Variants in WDR41 observed in about 807,000 individuals in gnomAD.
WDR41 encodes the protein WD repeat-containing protein 41.
WDR41 carries 63 observed loss-of-function variants against 69.3 expected under a neutral mutation model. That is an observed-to-expected ratio of 0.91 (90% CI 0.74 to 1.12). The LOEUF (loss-of-function observed/expected upper bound fraction) is 1.12. Ranked by LOEUF, WDR41 falls within the 50% of genes most tolerant of loss-of-function variation. The pLI, the probability that WDR41 is intolerant of heterozygous loss-of-function variation, is 0.00. For missense variants in WDR41, 543 were observed against 534.5 expected (o/e 1.02, Z -0.16); for synonymous variants, 185 against 192.1 (o/e 0.96, Z 0.31).
intron 1 of WDR41, chr5:77,540,619 T>C (rs563005514): frequency 1.3e-5 from 2 of 151,402 alleles, no homozygotes; most frequent in Admixed American, 6.6e-5. Flanking sequence ...GGTGGGAGGA[T>C]CACCTGAGCC....
intron 1 of WDR41, among the ~76,000 whole-genome samples, chr5:77,510,766 A>ATTTTTTTTTTTTTTTTTTTTTTT (rs58752727): frequency 1.0e-5 from 1 of 99,588 alleles, no homozygotes; most frequent in Non-Finnish European, 1.9e-5. Flanking sequence ...TCCAAATTCA[A>ATTTTTTTTTTTTTTTTTTTTTTT]TTTTTTTTTT....
At chr5:77,556,261 C>G (rs904535097) in intron 1 of WDR41, among the ~76,000 whole-genome samples, 3 of 151,980 alleles carry the variant, frequency 2.0e-5, no homozygotes, top group African/African-American at 7.2e-5. Flanking sequence ...CATGCCACCA[C>G]GCCCAGCTAA....
At chr5:77,477,051 C>G (rs1367220260) in intron 2 of WDR41, among the ~76,000 whole-genome samples, 2 of 148,408 alleles carry the variant, frequency 1.3e-5, no homozygotes, top group East Asian at 2.0e-4. Flanking sequence ...AGACTTTAAA[C>G]CAACAAAGAT....
chr5:77,475,418 C>A (rs1356960446), intron 2 of WDR41, among the ~76,000 whole-genome samples: 1 of 152,174 alleles, frequency 6.6e-6, no homozygotes, highest in Non-Finnish European at 1.5e-5. Flanking sequence ...CTTAAATGTC[C>A]CTGTCTGATA....
In WDR41 at chr5:77,432,989, G is replaced by C. The variant is rs1162828743; in HGVS notation, c.*146C>G. Reference sequence around the variant, plus strand: ...AGAAGCAACATGTTCCTGGTTGGTAGGTCCACAAAAAATTTAAACATGTAG... The same window carrying C: ...AGAAGCAACATGTTCCTGGTTGGTACGTCCACAAAAAATTTAAACATGTAG... On this transcript the variant is annotated 3_prime_UTR_variant, in exon 13 of 13. Transcript: ENST00000296679. 14 of 809,518 alleles carry C rather than the reference G, an allele frequency of 1.7e-5. No homozygotes were observed. The highest frequency in any genetic ancestry group is 9.4e-5 in the Admixed American group (3 of 31,872). 50.1% of individuals were successfully genotyped at this position (809,518 alleles called of 1,614,324 possible). A position where few individuals can be genotyped will look rare whatever the true frequency, so the allele number is the denominator to read the frequency against.
chr5:77,537,655 A>C (rs1023140911), intron 1 of WDR41, among the ~76,000 whole-genome samples: 1 of 152,138 alleles, frequency 6.6e-6, no homozygotes, highest in South Asian at 2.1e-4. Context: ...GTTGGTTTGT[A>C]TGTTAAAGAT....
At chr5:77,604,733 G>T (rs909698749) in intron 1 of WDR41, among the ~76,000 whole-genome samples, 2 of 152,018 alleles carry the variant, frequency 1.3e-5, no homozygotes, top group South Asian at 2.1e-4. Context: ...GACCAAAACC[G>T]ACCTAAATGA....
At chr5:77,503,982 C>A (rs978325784) in intron 1 of WDR41, among the ~76,000 whole-genome samples, 5 of 151,990 alleles carry the variant, frequency 3.3e-5, no homozygotes, top group Non-Finnish European at 5.9e-5. Flanking sequence ...GAAGCAAGAA[C>A]AAACACATTC....
chr5:77,468,984 T>G (rs1800430713), intron 2 of WDR41, among the ~76,000 whole-genome samples: 1 of 152,130 alleles, frequency 6.6e-6, no homozygotes, highest in South Asian at 2.1e-4. Flanking sequence ...GTTGTCTCTC[T>G]TCAACCCAAA....
rs150624821 is a variant in WDR41, at chr5:77,436,394, C to A, written c.1094G>T (p.Gly365Val). 466 of 1,613,468 alleles carry A rather than the reference C, an allele frequency of 2.9e-4. No homozygotes were observed. The African/African-American group carries it at 5.3e-3, about 18-fold the overall frequency. Residue 365 changes from glycine (G) to valine (V), a missense_variant and splice_region_variant, in exon 12 of 13, where the codon GGT becomes GTT. Coordinates refer to ENST00000296679, the MANE Select transcript of WDR41 (RefSeq NM_018268.4). The part of the protein sequence containing the change: ...QQLAAEPVPT[G>V]FFNMWGFGRV... ...TCCAAATCCCCACATGTTAAAAAAACCTAGAAAAAGAATCATTTCCAAAAT... is the reference window on the plus strand; with the variant it reads ...TCCAAATCCCCACATGTTAAAAAAAACTAGAAAAAGAATCATTTCCAAAAT...
In WDR41 at chr5:77,431,679, CAGTT is replaced by C. The variant is rs1477647337; in HGVS notation, c.*1452_*1455del. On this transcript the variant is annotated 3_prime_UTR_variant, in exon 13 of 13. Transcript: ENST00000296679. The stretch of plus-strand genomic sequence containing the variant: ...GCCTAGAACAGGCTAGGAAGTAAAA[CAGTT>C]AAGTCTATGGCTCCCTTGTGTCATA... 6.6e-6 allele frequency: 1 copy of C among 152,138 alleles called. No individual in the cohort carries two copies. The highest frequency in any genetic ancestry group is 1.5e-5 in the Non-Finnish European group (1 of 68,026). 9.4% of individuals were successfully genotyped at this position (152,138 alleles called of 1,614,324 possible). A position where few individuals can be genotyped will look rare whatever the true frequency, so the allele number is the denominator to read the frequency against.
chr5:77,436,019 C>A (rs1469551096), intron 12 of WDR41, among the ~76,000 whole-genome samples: 1 of 152,198 alleles, frequency 6.6e-6, no homozygotes, highest in African/African-American at 2.4e-5. Flanking sequence ...TCTCCAGCTC[C>A]TAAATAATGG....
At chr5:77,434,413 G>C (rs138720558) in intron 12 of WDR41, among the ~76,000 whole-genome samples, 1 of 152,200 alleles carries the variant, frequency 6.6e-6, no homozygotes, top group African/African-American at 2.4e-5. Flanking sequence ...GGAAACATGG[G>C]AGCAGAATTC....
chr5:77,462,587 C>T (rs1401229151), intron 4 of WDR41, among the ~76,000 whole-genome samples: 2 of 151,982 alleles, frequency 1.3e-5, no homozygotes, highest in African/African-American at 4.8e-5. Flanking sequence ...AGTAATTTTA[C>T]TTTTATAAAA....
chr5:77,491,161 T>C, intron 1 of WDR41: 1 of 405,044 alleles, frequency 2.5e-6, no homozygotes, highest in Non-Finnish European at 5.0e-6. Context: ...AAAGTGAAAA[T>C]GGCCGGTCCT....
At chr5:77,612,602 A>G (rs369432876) in intron 1 of WDR41, among the ~76,000 whole-genome samples, 8 of 152,262 alleles carry the variant, frequency 5.3e-5, no homozygotes, top group African/African-American at 1.9e-4. Context: ...AACCCTTCAT[A>G]CTAAAAACTC....
rs115233018 is a variant in WDR41, at chr5:77,555,327, A to G, written c.42+65152T>C. Among the ~76,000 whole-genome samples the G allele has an allele frequency of 1.5e-3, 231 of 152,324 alleles. 3 individuals are homozygous for G. Among genetic ancestry groups the G allele is most frequent in the African/African-American group, 5.3e-3 (222 of 41,574 alleles). On this transcript the variant is annotated intron_variant, in intron 1 of 5. Coordinates refer to the WDR41 transcript ENST00000509971. ...CTTTTATTTAATTCATTTATTTATTAAGACAGGGTATCACTTTGTCACACA... is the reference window on the plus strand; with the variant it reads ...CTTTTATTTAATTCATTTATTTATTGAGACAGGGTATCACTTTGTCACACA...
At chr5:77,438,190 G>C in intron 10 of WDR41, 50 bp downstream of exon 10, 1 of 1,610,682 alleles carries the variant, frequency 6.2e-7, no homozygotes, top group Non-Finnish European at 8.5e-7. Flanking sequence ...TGGTAGCCCT[G>C]GGAACTGTGA....
At chr5:77,514,201 CTTT>C (rs1554034200) in intron 1 of WDR41, among the ~76,000 whole-genome samples, 1 of 151,346 alleles carries the variant, frequency 6.6e-6, no homozygotes, top group South Asian at 2.1e-4. Flanking sequence ...TCCTACCAGT[CTTT>C]TTTTTTCTGT....
Sources: gnomAD v4.1 joint callset for allele counts (sites outside exome capture counted in the v4.1 genomes callset) on GRCh38, gnomAD v4.1.1 for gene constraint, MANE v1.5 for transcripts, NCBI Gene and HGNC (gene_info 2026-07-23, HGNC 2026-07-21) for gene names.